The following ARL17B variants were observed in gnomAD, a reference collection of about 807,000 sequenced individuals.
The protein encoded by ARL17B is ARF like GTPase 17B, also known as ADP-ribosylation factor-like protein 17.
At chr17:46,288,335 G>C (rs1330282245) in intron 4 of ARL17B, among the ~76,000 whole-genome samples, 1 of 138,704 alleles carries the variant, frequency 7.2e-6, no homozygotes, top group Admixed American at 7.7e-5. Flanking sequence ...TTTTGACGGA[G>C]CCTTGCTCTG....
rs568647661 is a variant in ARL17B at position 46,277,771 on chromosome 17, C to T, written c.*22-2353G>A. ...AAATGATTTTCCTGCCTCAGCCTCC[C>T]GAGTAGCTGGGATTACAGGTGCCCA... On this transcript the variant is annotated intron_variant, in intron 4 of 4. Coordinates refer to the ARL17B transcript ENST00000570618. 1.9e-4 allele frequency among the ~76,000 whole-genome samples: 28 copies of T among 151,164 alleles called. 1 individual carries two copies. Among genetic ancestry groups the T allele is most frequent in the Non-Finnish European group, 1.0e-4 (7 of 67,726 alleles).
intron 4 of ARL17B, among the ~76,000 whole-genome samples, chr17:46,279,468 G>C (rs1036246391): frequency 6.0e-5 from 9 of 150,128 alleles, no homozygotes; most frequent in Admixed American, 4.6e-4. Flanking sequence ...ACAGGCATGA[G>C]CCACCGCACC....
chr17:46,275,358 T>C, exon 5 of ARL17B: 1 of 985,838 alleles, frequency 1.0e-6, no homozygotes, highest in South Asian at 1.3e-5. Flanking sequence ...TGCTGTGTTT[T>C]ATGTTAGGTT....
chr17:46,344,341 A>G, intron 3 of ARL17B, among the ~76,000 whole-genome samples: 1 of 151,494 alleles, frequency 6.6e-6, no homozygotes, highest in Non-Finnish European at 1.5e-5. Flanking sequence ...GCTAAGACAC[A>G]CTAGCCACAT....
intron 4 of ARL17B, among the ~76,000 whole-genome samples, chr17:46,289,126 TGTGATTGGCATCCAC>T (rs762318290): frequency 3.5e-4 from 54 of 152,240 alleles, no homozygotes; most frequent in Non-Finnish European, 4.6e-4. Flanking sequence ...ACAAACCCAT[TGTGATTGGCATCCAC>T]GAACAAATTT....
intron 4 of ARL17B, among the ~76,000 whole-genome samples, chr17:46,278,069 C>T (rs991001580): frequency 4.8e-4 from 73 of 152,310 alleles, no homozygotes; most frequent in Admixed American, 2.2e-3. Flanking sequence ...CCTCAGCCTC[C>T]AGAGTAGCTG....
intron 3 of ARL17B, chr17:46,299,876 T>C (rs758205601): frequency 2.7e-3 from 42 of 15,294 alleles, no homozygotes; most frequent in African/African-American, 0.011. Context: ...GTGAGTATAT[T>C]CTCTCCAAAT....
intron 4 of ARL17B, among the ~76,000 whole-genome samples, chr17:46,280,672 C>G (rs2049739171): frequency 7.1e-6 from 1 of 141,576 alleles, no homozygotes; most frequent in African/African-American, 2.6e-5. Context: ...CTCCCTGTTT[C>G]AAGTGATTCT....
intron 4 of ARL17B, among the ~76,000 whole-genome samples, chr17:46,290,344 T>G (rs538507453): frequency 1.3e-5 from 2 of 152,218 alleles, no homozygotes; most frequent in Non-Finnish European, 2.9e-5. Flanking sequence ...CAGGCTGGTC[T>G]CAAAATCCTG....
chr17:46,327,029 A>G (rs1200439926), intron 3 of ARL17B, among the ~76,000 whole-genome samples: 1 of 84,274 alleles, frequency 1.2e-5, no homozygotes, highest in Admixed American at 1.2e-4. Flanking sequence ...TCATGTCTTC[A>G]TTTCCTTTAA....
At chr17:46,282,414 TTTG>T in intron 4 of ARL17B, among the ~76,000 whole-genome samples, 1 of 121,136 alleles carries the variant, frequency 8.3e-6, no homozygotes, top group Non-Finnish European at 2.0e-5. Context: ...CAGTTTTTTG[TTTG>T]TTTTTTTTTT....
At chr17:46,333,243 T>G (rs1332672262), downstream of ARL17B, among the ~76,000 whole-genome samples, 9 of 63,732 alleles carry the variant, frequency 1.4e-4, 1 homozygote, top group Admixed American at 2.9e-4. Flanking sequence ...GAACGTCTCA[T>G]ACTCTAGCCC....
rs1396601960 is a variant in ARL17B at position 46,285,263 on chromosome 17, CAG to C, written c.*22-9847_*22-9846del. Among the ~76,000 whole-genome samples, 8 of 141,698 alleles carry C rather than the reference CAG, an allele frequency of 5.6e-5. No homozygotes were observed. In the Admixed American group the frequency reaches 5.8e-4, roughly 10 times the overall value. 93.0% of individuals were successfully genotyped at this position (141,698 alleles called of 152,430 possible). A position where few individuals can be genotyped will look rare whatever the true frequency, so the allele number is the denominator to read the frequency against. On this transcript the variant is annotated intron_variant, in intron 4 of 4. Transcript: ENST00000570618. ...TTCCTTTTTTTTTTTTTTTTTGAGA[CAG>C]AGTCTCACACTGTCACCCGAGCTGG...
rs1340662964 is a variant in ARL17B at position 46,317,087 on chromosome 17, C to T, written c.260-17422G>A. On this transcript the variant is annotated intron_variant, in intron 3 of 4. Transcript: ENST00000434041. ...TTCCCCCTTTTCTATTCAACAAAAC[C>T]GCCATTGTCATCATGGCCCGTTCTC... Among the ~76,000 whole-genome samples, 5 of 84,488 alleles carry T rather than the reference C, an allele frequency of 5.9e-5. 1 individual carries two copies. In the East Asian group the frequency reaches 1.2e-3, roughly 20 times the overall value. The allele number at this position is 84,488 out of a possible 152,430, so 55.4% of individuals were successfully genotyped here.
chr17:46,278,584 A>G (rs546269964), intron 4 of ARL17B, among the ~76,000 whole-genome samples: 2 of 151,138 alleles, frequency 1.3e-5, no homozygotes, highest in South Asian at 4.2e-4. Flanking sequence ...TTGTATTTTT[A>G]GTAGAGATGA....
At chr17:46,351,779 A>C (rs2052754153) in intron 3 of ARL17B, among the ~76,000 whole-genome samples, 1 of 152,190 alleles carries the variant, frequency 6.6e-6, no homozygotes, top group Non-Finnish European at 1.5e-5. Context: ...TATCAAGTAC[A>C]TGCAGGAGAA....
At chr17:46,357,160 C>A (rs1224007239) in intron 2 of ARL17B, among the ~76,000 whole-genome samples, 5 of 93,172 alleles carry the variant, frequency 5.4e-5, no homozygotes, top group African/African-American at 2.3e-4. Flanking sequence ...GGTGACAGAG[C>A]GAGACTCTAT....
intron 4 of ARL17B, among the ~76,000 whole-genome samples, chr17:46,280,013 T>C (rs2049717127): frequency 1.3e-5 from 2 of 152,256 alleles, no homozygotes; most frequent in Admixed American, 1.3e-4. Context: ...GCTGTACAAA[T>C]GTCACCTTGA....
rs1474399726 is a variant in ARL17B at position 46,335,609 on chromosome 17, G to A, written c.*3891C>T. 2 of 182,666 alleles carry A rather than the reference G, an allele frequency of 1.1e-5. No individual in the cohort carries two copies. Among genetic ancestry groups the A allele is most frequent in the African/African-American group, 3.6e-5 (2 of 55,096 alleles). 11.3% of individuals were successfully genotyped at this position (182,666 alleles called of 1,614,324 possible). A position where few individuals can be genotyped will look rare whatever the true frequency, so the allele number is the denominator to read the frequency against. On this transcript the variant is annotated 3_prime_UTR_variant, in exon 4 of 4. Transcript: ENST00000450673. ...GGATTCTCAAGGTAAATATTAGTCTGGTGATTTTTTTTTTCTTCTCTTTTG... is the reference window on the plus strand; with the variant it reads ...GGATTCTCAAGGTAAATATTAGTCTAGTGATTTTTTTTTTCTTCTCTTTTG...
Sources: gnomAD v4.1 joint callset for allele counts (sites outside exome capture counted in the v4.1 genomes callset) on GRCh38, gnomAD v4.1.1 for gene constraint, MANE v1.5 for transcripts, NCBI Gene and HGNC (gene_info 2026-07-23, HGNC 2026-07-21) for gene names.